Variants in FANCA observed in about 807,000 individuals in gnomAD.
FANCA encodes the protein FA complementation group A.
In FANCA, 236 loss-of-function variants were observed where a neutral mutation model predicts 194.3. The ratio of observed to expected loss-of-function variants is 1.21; its 90% CI spans 1.09 to 1.35. FANCA has a LOEUF of 1.35. FANCA is among the 40% of genes most tolerant of loss of function. FANCA has a pLI of 0.00. For missense variants in FANCA, 2,628 were observed against 1,813.9 expected, an observed-to-expected ratio of 1.45 and a Z score of -8.15; for synonymous variants, 1,014 against 715.8, an observed-to-expected ratio of 1.42 and a Z score of -6.65.
At chr16:89,796,055 G>A (rs746822273) in intron 10 of FANCA, 37 bp from the exon 11 acceptor site, 6 of 1,533,750 alleles carry the variant, frequency 3.9e-6, no homozygotes, top group Non-Finnish European at 5.4e-6. Flanking sequence ...AGGAAAGGGA[G>A]GGTGCCTTGC....
In FANCA at chr16:89,794,866, C is replaced by A. The variant is rs191702419; in HGVS notation, c.1006+1040G>T. Among the ~76,000 whole-genome samples, 20 of 152,308 alleles carry A rather than the reference C, an allele frequency of 1.3e-4. 1 individual carries two copies. The East Asian group carries it at 3.5e-3, about 26-fold the overall frequency. Reference sequence around the variant, plus strand: ...TGGGCCATCAAACACGCCACCGAGTCTAGCTGAGAACCATGACACAGTCAC... The same window carrying A: ...TGGGCCATCAAACACGCCACCGAGTATAGCTGAGAACCATGACACAGTCAC... On this transcript the variant is annotated intron_variant, in intron 11 of 42. Transcript: ENST00000389301.
chr16:89,751,317 T>C (rs2038582112), intron 31 of FANCA, among the ~76,000 whole-genome samples: 1 of 151,984 alleles, frequency 6.6e-6, no homozygotes, highest in Non-Finnish European at 1.5e-5. Flanking sequence ...CTGGGCAACA[T>C]GGCAAAACTC....
chr16:89,761,973 G>C lies in FANCA; in HGVS notation c.2828C>G (p.Ala943Gly). ...CCGTTCAGTATCTGAAAGAGCATCA[G>C]CTTCAGGTTGAATTTCCAGCTCCAG... ...LHLELEIQPE[A>G]DALSDTERQD... The change falls in exon 29 of 43, where the codon GCT becomes GGT. Residue 943 changes from alanine (A) to glycine (G), a missense_variant. Transcript: ENST00000389301. 6.2e-7 allele frequency: 1 copy of C among 1,614,076 alleles called. No homozygotes were observed. Among genetic ancestry groups the C allele is most frequent in the Non-Finnish European group, 8.5e-7 (1 of 1,179,950 alleles).
intron 26 of FANCA, 59 bp downstream of exon 26, chr16:89,769,778 A>G (rs2039257076): frequency 1.9e-6 from 3 of 1,579,928 alleles, no homozygotes; most frequent in Non-Finnish European, 2.6e-6. Context: ...TTATCAAACG[A>G]GCATGTGTCA....
intron 14 of FANCA, among the ~76,000 whole-genome samples, chr16:89,787,518 T>G (rs537206752): frequency 6.6e-6 from 1 of 151,888 alleles, no homozygotes; most frequent in Admixed American, 6.6e-5. Context: ...GAACTCCATC[T>G]TAAAAAAACA....
Position 89,799,195 on chromosome 16 carries a change from C to T in FANCA, c.864G>A (p.Glu288=). ...ACCTCACGATCTTGTGAGTGGAGGA[C>T]TCCTCCTGTACTCCAGCAGCCAAAG... ...LDALAAGVQE[E]SSTHKIVRCW... Residue 288 remains glutamate (E), a synonymous_variant, in exon 10 of 43, where the codon GAG becomes GAA. Coordinates refer to ENST00000389301, the MANE Select transcript of FANCA (RefSeq NM_000135.4). 6.2e-7 allele frequency: 1 copy of T among 1,614,150 alleles called. No homozygotes were observed. Among genetic ancestry groups the T allele is most frequent in the Non-Finnish European group, 8.5e-7 (1 of 1,180,036 alleles).
At chr16:89,766,775 A>G (rs1031709561) in intron 27 of FANCA, among the ~76,000 whole-genome samples, 1 of 152,224 alleles carries the variant, frequency 6.6e-6, no homozygotes, top group African/African-American at 2.4e-5. Flanking sequence ...GATGAGAGGA[A>G]TAAGAATTCT....
chr16:89,778,453 G>A (rs750937216), intron 20 of FANCA: 34 of 304,058 alleles, frequency 1.1e-4, no homozygotes, highest in East Asian at 3.2e-4. Context: ...GCAACAGAGC[G>A]AGACTCCATC....
At position 89,792,174 on chromosome 16, in the gene FANCA, C is replaced by T. The variant is rs554801957; in HGVS notation, c.1084-106G>A. 3.6e-5 allele frequency: 48 copies of T among 1,331,842 alleles called. 1 individual carries two copies. The East Asian group carries it at 9.2e-4, about 25-fold the overall frequency. 82.5% of individuals were successfully genotyped at this position (1,331,842 alleles called of 1,614,324 possible). On this transcript the variant is annotated intron_variant, in intron 12 of 42. Transcript: ENST00000389301. The stretch of plus-strand genomic sequence containing the variant: ...GTGGCCACCGCAGCCCCCTCACTTC[C>T]CACTGCAAAGGTAACACATGGAGCT...
chr16:89,770,587 G>A lies in FANCA; in HGVS notation c.2199C>T (p.Ala733=), dbSNP rs757095786. ...ACCTCTCCGGGGGAGCGACACTGGA[G>A]GCAGCCATCAGGTTCTGACAGAAAG... The part of the protein sequence containing the change: ...LTSFCQNLMA[A]SSVAPPERQG... Residue 733 remains alanine, a synonymous_variant, in exon 24 of 43, where the codon GCC becomes GCT. Transcript: ENST00000389301. The A allele has an allele frequency of 1.9e-6, 3 of 1,611,720 alleles. No individual in the cohort carries two copies. Among genetic ancestry groups the A allele is most frequent in the Non-Finnish European group, 2.5e-6 (3 of 1,179,052 alleles).
intron 11 of FANCA, among the ~76,000 whole-genome samples, chr16:89,794,650 C>G (rs2040183390): frequency 6.6e-6 from 1 of 152,210 alleles, no homozygotes; most frequent in South Asian, 2.1e-4. Flanking sequence ...CTGAGCACCT[C>G]ACAGCACCTG....
rs771270307 is a variant in FANCA at position 89,738,228 on chromosome 16, G to A, written c.*373C>T. 6.2e-6 allele frequency: 10 copies of A among 1,606,442 alleles called. No homozygotes were observed. The African/African-American group carries it at 9.4e-5, about 15-fold the overall frequency. On this transcript the variant is annotated 3_prime_UTR_variant, in exon 43 of 43. Transcript: ENST00000389301. ...CTGTGACCACAGAGGGCCAGGCGGT[G>A]AAGCCCGAACCCACCTGAGGACGGC...
Position 89,808,835 on chromosome 16 carries a change from C to T in FANCA, c.523-468G>A, listed in dbSNP as rs138866994. Among the ~76,000 whole-genome samples, 238 of 152,260 alleles carry T rather than the reference C, an allele frequency of 1.6e-3. 1 individual carries two copies. The highest frequency in any genetic ancestry group is 5.1e-3 in the African/African-American group (210 of 41,558). ...AAACAGGATCTGCTTTAGCCACTCA[C>T]TGTGAACACTGTGCCTGTCACACTG... On this transcript the variant is annotated intron_variant, in intron 5 of 42. Coordinates refer to ENST00000389301, the MANE Select transcript of FANCA (RefSeq NM_000135.4).
At chr16:89,798,107 G>A (rs2040310444) in intron 10 of FANCA, among the ~76,000 whole-genome samples, 1 of 152,128 alleles carries the variant, frequency 6.6e-6, no homozygotes, top group Non-Finnish European at 1.5e-5. Context: ...ATAAGGCTGA[G>A]GTGATGATGA....
At chr16:89,742,772 A>T in intron 37 of FANCA, 28 bp downstream of exon 37, 1 of 1,613,446 alleles carries the variant, frequency 6.2e-7, no homozygotes, top group Non-Finnish European at 8.5e-7. Flanking sequence ...GCGAGAAAAT[A>T]AATCAGTAAA....
rs1277583796 is a variant in FANCA, at chr16:89,769,619, G to A, written c.2504+218C>T. On this transcript the variant is annotated intron_variant, in intron 26 of 42. Coordinates refer to ENST00000389301, the MANE Select transcript of FANCA (RefSeq NM_000135.4). ...ATCTACTATTAATTTCAGCAGTTTA[G>A]TATAATATGATCTCATTTTTATGAA... is the stretch of plus-strand genomic sequence containing the variant. 11 of 619,590 alleles carry A rather than the reference G, an allele frequency of 1.8e-5. No individual in the cohort carries two copies. The East Asian group carries it at 2.6e-4, about 14-fold the overall frequency. 38.4% of individuals were successfully genotyped at this position (619,590 alleles called of 1,614,324 possible). A position where few individuals can be genotyped will look rare whatever the true frequency, so the allele number is the denominator to read the frequency against.
chr16:89,759,113 G>C (rs1299681481), intron 29 of FANCA, among the ~76,000 whole-genome samples: 1 of 151,870 alleles, frequency 6.6e-6, no homozygotes, highest in Non-Finnish European at 1.5e-5. Flanking sequence ...GAGGTTAGGA[G>C]ATCGAGACCA....
At chr16:89,749,678 A>ATGCTGCCCTGCCCAGGTGG (rs557677971) in intron 32 of FANCA, 52 bp downstream of exon 32, 19 of 1,583,932 alleles carry the variant, frequency 1.2e-5, no homozygotes, top group Non-Finnish European at 1.5e-5. Context: ...CCGTCATGAG[A>ATGCTGCCCTGCCCAGGTGG]TGCTGCCCTG....
chr16:89,786,374 G>C (rs1356870206), intron 14 of FANCA, among the ~76,000 whole-genome samples: 1 of 152,112 alleles, frequency 6.6e-6, no homozygotes, highest in East Asian at 1.9e-4. Flanking sequence ...GTAGAGACAG[G>C]GTTTCATCGT....
Sources: gnomAD v4.1 joint callset for allele counts (sites outside exome capture counted in the v4.1 genomes callset) on GRCh38, gnomAD v4.1.1 for gene constraint, MANE v1.5 for transcripts, NCBI Gene and HGNC (gene_info 2026-07-23, HGNC 2026-07-21) for gene names.